Variants in TXNDC11 observed in about 807,000 individuals in gnomAD.
TXNDC11 encodes thioredoxin domain containing 11.
A neutral mutation model predicts 78.0 loss-of-function variants in TXNDC11; 68 were observed. The ratio of observed to expected loss-of-function variants is 0.87; its 90% CI spans 0.72 to 1.07. The LOEUF (loss-of-function observed/expected upper bound fraction) is 1.07, where lower values mean the gene tolerates loss of function less well. Ranked by LOEUF, TXNDC11 falls within the 50% of genes least tolerant of loss-of-function variation. The pLI, the probability that TXNDC11 is intolerant of heterozygous loss-of-function variation, is 0.00. For synonymous variants in TXNDC11, 571 were observed against 495.2 expected (o/e 1.15, Z -2.03); for missense variants, 1,389 against 1,221.8 (o/e 1.14, Z -2.04).
Position 11,691,779 on chromosome 16 carries a change from C to G in TXNDC11, c.1411G>C (p.Ala471Pro). The G allele has an allele frequency of 1.2e-6, 2 of 1,614,260 alleles. No homozygotes were observed. The highest frequency in any genetic ancestry group is 1.7e-6 in the Non-Finnish European group (2 of 1,180,052). Reference sequence around the variant, plus strand: ...TCCTTGAGGTAGAAAGAATCCAGAGCTGCTGCCATTTCAAAAAAGCTGCAC... The same window carrying G: ...TCCTTGAGGTAGAAAGAATCCAGAGGTGCTGCCATTTCAAAAAAGCTGCAC... ...PQCSFFEMAA[A>P]LDSFYLKEQT... The change falls in exon 8 of 12, where the codon GCT (alanine) becomes CCT (proline). Residue 471 changes from alanine to proline, a missense_variant. Transcript: ENST00000283033.
At chr16:11,693,922 C>A (rs998328998) in intron 7 of TXNDC11, among the ~76,000 whole-genome samples, 1 of 152,168 alleles carries the variant, frequency 6.6e-6, no homozygotes, top group Admixed American at 6.5e-5. Context: ...CATAAGACTT[C>A]ACGATTTACT....
Position 11,742,827 on chromosome 16 carries a change from C to G in TXNDC11, c.-97G>C, listed in dbSNP as rs2052452266. 7.3e-7 allele frequency: 1 copy of G among 1,361,198 alleles called. No individual in the cohort carries two copies. Among genetic ancestry groups the G allele is most frequent in the Non-Finnish European group, 9.4e-7 (1 of 1,062,196 alleles). The allele number at this position is 1,361,198 out of a possible 1,614,324, so 84.3% of individuals were successfully genotyped here. A position where few individuals can be genotyped will look rare whatever the true frequency, so the allele number is the denominator to read the frequency against. On this transcript the variant is annotated 5_prime_UTR_variant, in exon 1 of 12. Transcript: ENST00000283033. ...CTCCCCAATCCCGCAGCTCGCCGCA[C>G]CCGCTAACCCGGACGCTCCACGTCA... is the stretch of plus-strand genomic sequence containing the variant.
chr16:11,742,455 C>G (rs1206774111), intron 1 of TXNDC11, 22 bp downstream of exon 1: 2 of 1,393,164 alleles, frequency 1.4e-6, no homozygotes. Context: ...CTAGCGGGGC[C>G]CCAGGGTCCG....
chr16:11,699,887 C>T (rs2050963710), intron 6 of TXNDC11, among the ~76,000 whole-genome samples: 1 of 152,212 alleles, frequency 6.6e-6, no homozygotes, highest in Non-Finnish European at 1.5e-5. Context: ...GGACACAGGT[C>T]AATGCTCAGA....
chr16:11,715,203 G>T (rs1331251228), intron 5 of TXNDC11, among the ~76,000 whole-genome samples: 1 of 152,192 alleles, frequency 6.6e-6, no homozygotes, highest in African/African-American at 2.4e-5. Flanking sequence ...AGTGAGCAGA[G>T]AACGGATGTC....
intron 5 of TXNDC11, among the ~76,000 whole-genome samples, chr16:11,714,069 C>G (rs2051448617): frequency 6.6e-6 from 1 of 151,122 alleles, no homozygotes; most frequent in Non-Finnish European, 1.5e-5. Context: ...GAGACAAGGT[C>G]TCACTTTCGT....
At chr16:11,690,655 A>G (rs1344901477) in intron 8 of TXNDC11, 1 of 151,970 alleles carries the variant, frequency 6.6e-6, no homozygotes, top group Non-Finnish European at 1.5e-5. Flanking sequence ...CAGGTTCACG[A>G]CATTCTCCTG....
intron 8 of TXNDC11, chr16:11,690,936 C>A (rs890436489): frequency 1.8e-5 from 5 of 273,758 alleles, no homozygotes; most frequent in Middle Eastern, 1.3e-3. Context: ...GACATCCCAC[C>A]AGAATAGCTC....
At chr16:11,692,987 G>A (rs1318036512) in intron 7 of TXNDC11, among the ~76,000 whole-genome samples, 7 of 152,166 alleles carry the variant, frequency 4.6e-5, no homozygotes, top group African/African-American at 1.7e-4. Flanking sequence ...ACTCCAGGAA[G>A]AGCTAGTTTT....
intron 5 of TXNDC11, among the ~76,000 whole-genome samples, chr16:11,702,751 A>G (rs1243011282): frequency 2.6e-5 from 4 of 152,224 alleles, no homozygotes; most frequent in Non-Finnish European, 5.9e-5. Flanking sequence ...ACAAGTAGCT[A>G]AGATATAAAA....
At chr16:11,731,257 G>C (rs2052036332) in intron 3 of TXNDC11, among the ~76,000 whole-genome samples, 1 of 152,194 alleles carries the variant, frequency 6.6e-6, no homozygotes, top group Admixed American at 6.5e-5. Context: ...GAAACAGGCA[G>C]ACAAAGGATC....
chr16:11,708,809 T>C (rs955461657), intron 5 of TXNDC11, among the ~76,000 whole-genome samples: 2 of 152,198 alleles, frequency 1.3e-5, no homozygotes, highest in African/African-American at 2.4e-5. Context: ...TTCCATCTGT[T>C]GGGAAACAAT....
At chr16:11,693,883 C>G (rs1228176667) in intron 7 of TXNDC11, among the ~76,000 whole-genome samples, 5 of 152,158 alleles carry the variant, frequency 3.3e-5, no homozygotes, top group African/African-American at 1.2e-4. Context: ...TAATAGACAA[C>G]TACTCCCACC....
At chr16:11,735,599 C>T (rs1693152186) in intron 2 of TXNDC11, among the ~76,000 whole-genome samples, 1 of 152,166 alleles carries the variant, frequency 6.6e-6, no homozygotes, top group African/African-American at 2.4e-5. Context: ...TCCTTATCTG[C>T]TGAATATAGT....
chr16:11,739,170 G>A (rs1044690559), intron 1 of TXNDC11, among the ~76,000 whole-genome samples: 8 of 152,182 alleles, frequency 5.3e-5, no homozygotes, highest in Non-Finnish European at 8.8e-5. Flanking sequence ...GCCAGATAAA[G>A]TACAAGGCCA....
chr16:11,711,106 C>T (rs1283078098), intron 5 of TXNDC11, among the ~76,000 whole-genome samples: 2 of 151,920 alleles, frequency 1.3e-5, no homozygotes, highest in African/African-American at 2.4e-5. Context: ...GGAAGGCAGA[C>T]ATTAGGCAGG....
At chr16:11,733,873 G>A in intron 3 of TXNDC11, 109 bp downstream of exon 3, 1 of 755,518 alleles carries the variant, frequency 1.3e-6, no homozygotes, top group East Asian at 2.8e-5. Flanking sequence ...TGTATTATCT[G>A]AATTTTCTAT....
chr16:11,679,612 T>G lies in TXNDC11; in HGVS notation c.2460A>C (p.Ala820=). 6.2e-7 allele frequency: 1 copy of G among 1,614,178 alleles called. No homozygotes were observed. The highest frequency in any genetic ancestry group is 1.1e-5 in the South Asian group (1 of 91,088). ...AGAGCTGGGACTCCACCTGCACTTGTGCTCGCTGGAGGCTGCTTATTTCTG... is the reference window on the plus strand; with the variant it reads ...AGAGCTGGGACTCCACCTGCACTTGGGCTCGCTGGAGGCTGCTTATTTCTG... ...LRAEISSLQR[A]QVQVESQLSS... The change falls in exon 12 of 12, where the codon GCA becomes GCC. Residue 820 remains alanine, a synonymous_variant. Transcript: ENST00000283033. The surrounding 1 kb of genome is among the most constrained non-coding windows in gnomAD (Gnocchi z 4.6).
chr16:11,721,074 C>T (rs559805878), intron 5 of TXNDC11, among the ~76,000 whole-genome samples: 90 of 151,834 alleles, frequency 5.9e-4, no homozygotes, highest in African/African-American at 2.0e-3. Flanking sequence ...AAAACATTTG[C>T]GAGACTATAT....
Sources: allele counts gnomAD v4.1 joint callset (sites outside exome capture counted in the v4.1 genomes callset), GRCh38; gene constraint gnomAD v4.1.1; non-coding constraint Gnocchi (gnomAD v3.1); transcripts MANE v1.5; gene names NCBI Gene and HGNC (gene_info 2026-07-23, HGNC 2026-07-21).